The following FAM107B variants were observed in gnomAD, a reference collection of about 807,000 sequenced individuals.
FAM107B encodes the protein protein FAM107B.
Under a neutral mutation model 31.5 loss-of-function variants are expected in FAM107B, and 21 were observed. That is an observed-to-expected ratio of 0.67 (90% CI 0.47 to 0.96). The LOEUF (loss-of-function observed/expected upper bound fraction) is 0.96, where lower values mean the gene tolerates loss of function less well. Ranked by LOEUF, FAM107B falls within the 40% of genes least tolerant of loss-of-function variation. FAM107B has a pLI of 0.00. For synonymous variants in FAM107B, 157 were observed against 141.5 expected (o/e 1.11, Z -0.78); for missense variants, 452 against 377.1 (o/e 1.20, Z -1.64).
intron 2 of FAM107B, among the ~76,000 whole-genome samples, chr10:14,542,109 A>T (rs965730736): frequency 6.6e-6 from 1 of 151,590 alleles, no homozygotes; most frequent in African/African-American, 2.4e-5. Context: ...AATAATAATA[A>T]TAATACAAAA....
intron 2 of FAM107B, among the ~76,000 whole-genome samples, chr10:14,637,968 G>A (rs561546337): frequency 1.3e-5 from 2 of 152,146 alleles, no homozygotes; most frequent in Non-Finnish European, 2.9e-5. Flanking sequence ...ACCTAGCCAC[G>A]CCATGCTTAG....
chr10:14,716,076 G>T (rs1196052402), intron 1 of FAM107B, among the ~76,000 whole-genome samples: 1 of 152,072 alleles, frequency 6.6e-6, no homozygotes, highest in African/African-American at 2.4e-5. Flanking sequence ...TGGCATCCAG[G>T]GTATATAGAA....
intron 2 of FAM107B, among the ~76,000 whole-genome samples, chr10:14,647,089 C>G (rs563557107): frequency 6.6e-6 from 1 of 152,046 alleles, no homozygotes; most frequent in Non-Finnish European, 1.5e-5. Context: ...CCACTGTGCC[C>G]GGCTCCATTT....
chr10:14,658,846 C>T (rs1000671244), intron 2 of FAM107B, among the ~76,000 whole-genome samples: 2 of 152,180 alleles, frequency 1.3e-5, no homozygotes, highest in East Asian at 1.9e-4. Flanking sequence ...AACATCCCTG[C>T]CTTCATGATG....
At chr10:14,690,756 A>G (rs749213062) in intron 1 of FAM107B, among the ~76,000 whole-genome samples, 1 of 151,992 alleles carries the variant, frequency 6.6e-6, no homozygotes, top group Non-Finnish European at 1.5e-5. Context: ...CCGGCCAACT[A>G]GCCCCTTTAT....
intron 1 of FAM107B, among the ~76,000 whole-genome samples, chr10:14,668,019 T>C (rs980766793): frequency 4.6e-5 from 7 of 151,982 alleles, no homozygotes; most frequent in African/African-American, 1.7e-4. Context: ...TTAGAAATGA[T>C]GGTGACGGGG....
At chr10:14,636,859 G>T (rs1399153903) in intron 2 of FAM107B, among the ~76,000 whole-genome samples, 2 of 152,276 alleles carry the variant, frequency 1.3e-5, no homozygotes, top group African/African-American at 4.8e-5. Flanking sequence ...TGCTTGAGTT[G>T]ATGGCCCATG....
At chr10:14,705,936 G>A (rs1171073587) in intron 1 of FAM107B, among the ~76,000 whole-genome samples, 2 of 152,106 alleles carry the variant, frequency 1.3e-5, no homozygotes, top group Non-Finnish European at 2.9e-5. Flanking sequence ...GGACCCAACC[G>A]GCAGGGCAAA....
chr10:14,581,354 G>A (rs113066588), intron 2 of FAM107B, among the ~76,000 whole-genome samples: 11 of 152,352 alleles, frequency 7.2e-5, no homozygotes, highest in African/African-American at 1.2e-4. Context: ...ATGTGGCTGC[G>A]GTAGGGTGCC....
At chr10:14,650,814 T>C (rs1215088471) in intron 2 of FAM107B, among the ~76,000 whole-genome samples, 1 of 152,240 alleles carries the variant, frequency 6.6e-6, no homozygotes, top group East Asian at 1.9e-4. Flanking sequence ...TCGTATATGC[T>C]CATAGTAAAA....
intron 2 of FAM107B, among the ~76,000 whole-genome samples, chr10:14,596,315 T>A (rs1852187558): frequency 6.6e-6 from 1 of 152,258 alleles, no homozygotes; most frequent in Middle Eastern, 3.4e-3. Flanking sequence ...AATCACCTCA[T>A]CCATGTATCT....
intron 1 of FAM107B, among the ~76,000 whole-genome samples, chr10:14,742,958 T>G (rs1400618446): frequency 1.3e-5 from 2 of 152,202 alleles, no homozygotes. Context: ...TTTTAATCTC[T>G]GTGTTTCTTG....
chr10:14,727,539 A>G (rs1856065647), intron 1 of FAM107B, among the ~76,000 whole-genome samples: 1 of 152,228 alleles, frequency 6.6e-6, no homozygotes, highest in South Asian at 2.1e-4. Flanking sequence ...ACCTCCCAGG[A>G]GCAGCTCTCA....
chr10:14,566,126 C>T (rs1220957836), intron 2 of FAM107B, among the ~76,000 whole-genome samples: 3 of 152,122 alleles, frequency 2.0e-5, no homozygotes, highest in Admixed American at 2.0e-4. Flanking sequence ...GCACTGGGCC[C>T]AGAAAATTTT....
chr10:14,723,924 A>G (rs1466743515), intron 1 of FAM107B: 1 of 751,760 alleles, frequency 1.3e-6, no homozygotes, highest in African/African-American at 1.7e-5. Flanking sequence ...TGTAGATGCC[A>G]TCACTTTTCC....
At chr10:14,752,789 G>A (rs969976689) in intron 1 of FAM107B, among the ~76,000 whole-genome samples, 31 of 152,162 alleles carry the variant, frequency 2.0e-4, no homozygotes, top group Admixed American at 4.6e-4. Flanking sequence ...AAAATTAGCC[G>A]GGTGTGGTGG....
At chr10:14,761,906 C>G (rs534985510) in intron 1 of FAM107B, among the ~76,000 whole-genome samples, 3 of 152,252 alleles carry the variant, frequency 2.0e-5, no homozygotes, top group African/African-American at 7.2e-5. Flanking sequence ...GCCGATGGCT[C>G]ATTTTTTAAC....
chr10:14,733,261 C>A (rs1412376497), intron 1 of FAM107B, among the ~76,000 whole-genome samples: 2 of 152,006 alleles, frequency 1.3e-5, no homozygotes, highest in African/African-American at 4.8e-5. Context: ...ACCTCACCTG[C>A]GTTTTCAAAA....
At chr10:14,759,549 C>T (rs1292067795) in intron 1 of FAM107B, among the ~76,000 whole-genome samples, 2 of 152,112 alleles carry the variant, frequency 1.3e-5, no homozygotes, top group Non-Finnish European at 2.9e-5. Flanking sequence ...CTATGAAGAA[C>T]TTGAGGATGG....
Sources: gnomAD v4.1 joint callset for allele counts (sites outside exome capture counted in the v4.1 genomes callset) on GRCh38, gnomAD v4.1.1 for gene constraint, MANE v1.5 for transcripts, NCBI Gene and HGNC (gene_info 2026-07-23, HGNC 2026-07-21) for gene names.